LIG1: variants seen among roughly 807,000 people sequenced by gnomAD.
LIG1 encodes the protein DNA ligase 1.
In LIG1, 70 loss-of-function variants were observed where a neutral mutation model predicts 115.7. The observed-to-expected ratio is 0.60, with a 90% CI of 0.50 to 0.74. The LOEUF (loss-of-function observed/expected upper bound fraction) is 0.74, where lower values mean the gene tolerates loss of function less well. Among genes scored for constraint, LIG1 ranks in the 30% least tolerant of loss-of-function variants. LIG1 has a pLI of 0.00. For missense variants in LIG1, 1,115 were observed against 1,225.6 expected, an observed-to-expected ratio of 0.91 and a Z score of 1.35; for synonymous variants, 487 against 495.3, an observed-to-expected ratio of 0.98 and a Z score of 0.22.
rs376541305 is a variant in LIG1, at chr19:48,115,984, G to C, written c.2584-19C>G. Reference sequence around the variant, plus strand: ...TATCCACCTGCGGAAGCGGGATGGAGACTCCTGCGGTCCAGCCCCAGCGAC... The same window carrying C: ...TATCCACCTGCGGAAGCGGGATGGACACTCCTGCGGTCCAGCCCCAGCGAC... On this transcript the variant is annotated intron_variant, in intron 26 of 27. Transcript: ENST00000263274. 6.3e-7 allele frequency: 1 copy of C among 1,594,400 alleles called. No individual in the cohort carries two copies. Among genetic ancestry groups the C allele is most frequent in the African/African-American group, 1.3e-5 (1 of 74,466 alleles).
At chr19:48,123,408 G>A in intron 21 of LIG1, 90 bp from the exon 22 acceptor site, 15 of 1,451,236 alleles carry the variant, frequency 1.0e-5, no homozygotes, top group East Asian at 2.3e-5. Flanking sequence ...GGACATGTGC[G>A]GGTCACAACT....
rs1480321343 is a variant in LIG1 at position 48,137,624 on chromosome 19, C to G, written c.1152G>C (p.Glu384Asp). The change falls in exon 13 of 28, where the codon GAG becomes GAC. Residue 384 changes from glutamate to aspartate, a missense_variant. Transcript: ENST00000263274. The surrounding 1 kb of genome is among the most constrained non-coding windows in gnomAD (Gnocchi z 4.3). The stretch of plus-strand genomic sequence containing the variant: ...TGAGCCTCTGGGTGCTGCGGCTGTT[C>G]TCGGCCACCAGCCCCACGTCGCCTT... Reference protein sequence around the residue: ...AEKGDVGLVAENSRSTQRLML... With the variant: ...AEKGDVGLVADNSRSTQRLML... 3 of 1,611,774 alleles carry G rather than the reference C, an allele frequency of 1.9e-6. No homozygotes were observed. The African/African-American group carries it at 4.0e-5, about 21-fold the overall frequency.
Position 48,132,992 on chromosome 19 carries a change from T to C in LIG1, c.1715A>G (p.Gln572Arg), listed in dbSNP as rs764577674. The stretch of plus-strand genomic sequence containing the variant: ...TCCCACTCCCCATACCTGTGCCCTC[T>C]GCCCGTCATATTTGTATTCGCAGGT... ...AFTCEYKYDG[Q>R]RAQIHALEGG... The change falls in exon 18 of 28, where the codon CAG becomes CGG. Residue 572 changes from glutamine to arginine, a missense_variant. By Grantham distance (43) the Gln-to-Arg change is conservative (BLOSUM62 1). Transcript: ENST00000263274. 1.2e-6 allele frequency: 2 copies of C among 1,611,846 alleles called. No individual in the cohort carries two copies. Among genetic ancestry groups the C allele is most frequent in the Admixed American group, 3.3e-5 (2 of 60,008 alleles).
intron 19 of LIG1, among the ~76,000 whole-genome samples, chr19:48,130,867 C>A (rs2033972917): frequency 6.6e-6 from 1 of 152,174 alleles, no homozygotes; most frequent in African/African-American, 2.4e-5. Context: ...TCAGCCAAGT[C>A]GGTGCTGGGG....
intron 19 of LIG1, among the ~76,000 whole-genome samples, chr19:48,130,610 G>A (rs569880537): frequency 2.0e-5 from 3 of 152,308 alleles, no homozygotes; most frequent in Admixed American, 2.0e-4. Flanking sequence ...TTGCACTAGG[G>A]TGGCCATGGA....
chr19:48,121,756 G>A (rs1383186896), intron 23 of LIG1, among the ~76,000 whole-genome samples: 6 of 152,162 alleles, frequency 3.9e-5, no homozygotes, highest in African/African-American at 7.2e-5. Context: ...AGCCAAGATC[G>A]TGCCATTGCA....
Position 48,137,720 on chromosome 19 carries a change from G to A in LIG1, c.1088-32C>T, listed in dbSNP as rs1249424758. On this transcript the variant is annotated intron_variant, in intron 12 of 27. Transcript: ENST00000263274. The surrounding 1 kb of genome is among the most constrained non-coding windows in gnomAD (Gnocchi z 4.3). ...GGGAGAGCGCGGGTGGGGGTGTCGA[G>A]GGTGACAGTTGTGGCTGCGTGTCTC... is the stretch of plus-strand genomic sequence containing the variant. 21 of 1,599,344 alleles carry A rather than the reference G, an allele frequency of 1.3e-5. 1 individual carries two copies. The South Asian group carries it at 2.2e-4, about 17-fold the overall frequency.
At chr19:48,168,975 A>G (rs1426286305) in intron 1 of LIG1, among the ~76,000 whole-genome samples, 2 of 152,246 alleles carry the variant, frequency 1.3e-5, no homozygotes, top group Non-Finnish European at 2.9e-5. Context: ...AGCGGTTACC[A>G]AAATGAAGAG....
chr19:48,150,036 C>T, intron 8 of LIG1, 52 bp downstream of exon 8: 2 of 1,612,670 alleles, frequency 1.2e-6, no homozygotes, highest in South Asian at 2.2e-5. Context: ...AGAGGCTCAC[C>T]AGCCTCCTGC....
rs1434613635 is a variant in LIG1, at chr19:48,123,217, C to T, written c.2106G>A (p.Lys702=). ...GGAACTCGGCGATCTGCTCGATGTC[C>T]TTGGTGTCCAGGGAGGTGGCGAAGA... ...EFVFATSLDT[K]DIEQIAEFLE... Residue 702 remains lysine (K), a synonymous_variant, in exon 22 of 28, where the codon AAG becomes AAA. Transcript: ENST00000263274. The T allele has an allele frequency of 6.2e-7, 1 of 1,614,092 alleles. No homozygotes were observed. The highest frequency in any genetic ancestry group is 1.7e-5 in the Admixed American group (1 of 60,010).
intron 9 of LIG1, among the ~76,000 whole-genome samples, chr19:48,145,278 T>G (rs879606233): frequency 6.6e-6 from 1 of 152,216 alleles, no homozygotes; most frequent in African/African-American, 2.4e-5. Context: ...CAATCTGCTC[T>G]GCCCCGGCCA....
At chr19:48,151,125 C>A in intron 7 of LIG1, 107 bp downstream of exon 7, 2 of 676,050 alleles carry the variant, frequency 3.0e-6, no homozygotes, top group South Asian at 1.9e-5. Context: ...GGCATTTAAG[C>A]AATAAGTTTG....
intron 21 of LIG1, among the ~76,000 whole-genome samples, chr19:48,126,541 A>C (rs1340006982): frequency 6.6e-6 from 1 of 151,100 alleles, no homozygotes. Context: ...GGGAGGAGGC[A>C]GTTGTAGTGA....
intron 1 of LIG1, chr19:48,165,896 G>A (rs2036455925): frequency 2.3e-6 from 1 of 426,472 alleles, no homozygotes; most frequent in Non-Finnish European, 4.2e-6. Context: ...CTGAGGACCT[G>A]AAATGGGTTT....
rs1342868194 is a variant in LIG1 at position 48,119,196 on chromosome 19, G to A, written c.2386-6C>T. The A allele has an allele frequency of 6.3e-6, 10 of 1,579,392 alleles. No homozygotes were observed. The highest frequency in any genetic ancestry group is 8.6e-6 in the Non-Finnish European group (10 of 1,162,454). ...TCACTGAAGCCAGTTCCAAGCTGCA[G>A]GGAGGAAGCGGGAGGTCAGAGGCTC... On this transcript the variant is annotated splice_polypyrimidine_tract_variant and splice_region_variant and intron_variant, in intron 24 of 27. Transcript: ENST00000263274.
chr19:48,165,178 G>T (rs1056599401), intron 2 of LIG1, among the ~76,000 whole-genome samples: 1 of 152,078 alleles, frequency 6.6e-6, no homozygotes, highest in Non-Finnish European at 1.5e-5. Context: ...AGAATCACTT[G>T]AACTCATGAG....
chr19:48,121,313 CCTT>C lies in LIG1; in HGVS notation c.2239_2241del (p.Lys747del), dbSNP rs2033254883. The stretch of plus-strand genomic sequence containing the variant: ...GTGTCACCCACGCCATCAAGGTAGT[CCTT>C]CTTCAGCTGGGAGAAGGGGAGGCAA... On this transcript the variant is annotated inframe_deletion, in exon 24 of 28. Transcript: ENST00000263274. 2 of 1,599,696 alleles carry C rather than the reference CCTT, an allele frequency of 1.3e-6. No individual in the cohort carries two copies. Among genetic ancestry groups the C allele is most frequent in the Admixed American group, 1.7e-5 (1 of 59,184 alleles).
rs2034437315 is a variant in LIG1, at chr19:48,137,042, C to T, written c.1297G>A (p.Ala433Thr). 6.2e-7 allele frequency: 1 copy of T among 1,611,580 alleles called. No homozygotes were observed. The highest frequency in any genetic ancestry group is 1.1e-5 in the South Asian group (1 of 90,482). ...KIDIIKGLFV[A>T]CRHSEARFIA... Reference sequence around the variant, plus strand: ...AACCGGGCTTCTGAGTGGCGGCAGGCCACAAAGAGGCCTTTGATGATGTCT... The same window carrying T: ...AACCGGGCTTCTGAGTGGCGGCAGGTCACAAAGAGGCCTTTGATGATGTCT... The change falls in exon 14 of 28, where the codon GCC (alanine) becomes ACC (threonine). Residue 433 changes from alanine to threonine, a missense_variant. Ala to Thr is a moderately conservative substitution (Grantham distance 58, BLOSUM62 0). Coordinates refer to ENST00000263274, the MANE Select transcript of LIG1 (RefSeq NM_000234.3). This position sits in a 1 kb window ranked among gnomAD's most constrained non-coding sequence, Gnocchi z 4.3.
At chr19:48,134,354 A>T (rs1401026670) in intron 16 of LIG1, among the ~76,000 whole-genome samples, 1 of 152,168 alleles carries the variant, frequency 6.6e-6, no homozygotes, top group African/African-American at 2.4e-5. Context: ...TACAGTTTTT[A>T]AAAAAAGGTT....
Sources: allele counts gnomAD v4.1 joint callset (sites outside exome capture counted in the v4.1 genomes callset), GRCh38; gene constraint gnomAD v4.1.1; non-coding constraint Gnocchi (gnomAD v3.1); transcripts MANE v1.5; gene names NCBI Gene and HGNC (gene_info 2026-07-23, HGNC 2026-07-21).